The following STK31 variants were observed in gnomAD, a reference collection of about 807,000 sequenced individuals.
STK31 encodes the protein serine/threonine kinase 31.
Under a neutral mutation model 129.7 loss-of-function variants are expected in STK31, and 89 were observed. That is an observed-to-expected ratio of 0.69 (90% CI 0.58 to 0.82). The LOEUF is 0.82. STK31 is among the 40% of genes least tolerant of loss of function. The pLI is 0.00. For missense variants in STK31, 1,187 were observed against 1,176.4 expected (o/e 1.01, Z -0.13); for synonymous variants, 448 against 395.3 (o/e 1.13, Z -1.58).
At chr7:23,818,422 TTTGA>T (rs1175052113) in intron 23 of STK31, among the ~76,000 whole-genome samples, 3 of 152,140 alleles carry the variant, frequency 2.0e-5, no homozygotes, top group African/African-American at 4.8e-5. Context: ...TCATTTGGTG[TTTGA>T]TTGTCACAGT....
At chr7:23,710,499 T>G in intron 1 of STK31, 164 bp downstream of exon 1, 2 of 1,492,980 alleles carry the variant, frequency 1.3e-6, no homozygotes, top group South Asian at 2.7e-5. Context: ...TGCCCCAGTT[T>G]TTGAGTGCAT....
intron 23 of STK31, among the ~76,000 whole-genome samples, chr7:23,830,592 TTGTGTGTGTG>T (rs3034048): frequency 0.12 from 16,662 of 142,216 alleles, 1,049 homozygotes; most frequent in East Asian, 0.21. Context: ...AATTTCCATG[TTGTGTGTGTG>T]TGTGTGTGTG....
chr7:23,723,877 G>A (rs960186338), intron 4 of STK31, among the ~76,000 whole-genome samples: 7 of 152,132 alleles, frequency 4.6e-5, no homozygotes, highest in African/African-American at 1.7e-4. Context: ...TTAGAGAAAC[G>A]CCACACTCTG....
chr7:23,828,928 T>TTC (rs1375394899), intron 23 of STK31, among the ~76,000 whole-genome samples: 1 of 151,958 alleles, frequency 6.6e-6, no homozygotes, highest in African/African-American at 2.4e-5. Flanking sequence ...GAGATGGAGT[T>TTC]TCGTTCGTGT....
intron 23 of STK31, among the ~76,000 whole-genome samples, chr7:23,820,353 T>A (rs185699903): frequency 4.6e-5 from 7 of 152,342 alleles, no homozygotes; most frequent in African/African-American, 1.7e-4. Flanking sequence ...TGGTTGCAGA[T>A]GTGGAAACTG....
chr7:23,727,150 C>A, intron 4 of STK31, 91 bp from the exon 5 acceptor site: 1 of 973,008 alleles, frequency 1.0e-6, no homozygotes, highest in Non-Finnish European at 1.6e-6. Context: ...TACTTATTGA[C>A]ATATAGGAAG....
chr7:23,822,865 C>T (rs2390821), intron 23 of STK31, among the ~76,000 whole-genome samples: 21,479 of 152,100 alleles, frequency 0.14, 1,885 homozygotes, highest in Middle Eastern at 0.21. Flanking sequence ...TTTGTCCTTG[C>T]GATAGTTTGC....
At position 23,824,124 on chromosome 7, in the gene STK31, A is replaced by G. The variant is rs193164462; in HGVS notation, c.2830-8012A>G. On this transcript the variant is annotated intron_variant, in intron 23 of 23. Transcript: ENST00000355870. ...ATGAACTTTAAAGTAGTTTTTTCCA[A>G]TTCTGTGAAGAAAGTCATTGGTAGC... Among the ~76,000 whole-genome samples the G allele has an allele frequency of 4.3e-3, 662 of 152,258 alleles. 8 individuals are homozygous for G. The highest frequency in any genetic ancestry group is 0.015 in the African/African-American group (638 of 41,554).
intron 10 of STK31, among the ~76,000 whole-genome samples, chr7:23,756,585 G>T (rs928375631): frequency 6.6e-6 from 1 of 152,152 alleles, no homozygotes; most frequent in African/African-American, 2.4e-5. Context: ...TTTTCAAAGG[G>T]AATGCTTCCA....
rs543538824 is a variant in STK31, at chr7:23,713,434, T to G, written c.150+1148T>G. Among the ~76,000 whole-genome samples the G allele has an allele frequency of 3.3e-5, 5 of 152,264 alleles. No homozygotes were observed. The East Asian group carries it at 7.7e-4, about 24-fold the overall frequency. ...CATTACTGTACACTACTGTATACTT[T>G]ATAAATACCATACACTTAGGCTACA... is the stretch of plus-strand genomic sequence containing the variant. On this transcript the variant is annotated intron_variant, in intron 3 of 23. Transcript: ENST00000355870.
intron 9 of STK31, 53 bp downstream of exon 9, chr7:23,752,885 T>C: frequency 3.3e-6 from 4 of 1,210,916 alleles, no homozygotes; most frequent in Non-Finnish European, 4.8e-6. Context: ...TTTTAATCAA[T>C]TGGTGCTTTG....
intron 22 of STK31, among the ~76,000 whole-genome samples, chr7:23,810,961 A>C (rs557952290): frequency 2.1e-4 from 31 of 147,082 alleles, no homozygotes; most frequent in South Asian, 6.3e-4. Flanking sequence ...ACACACACAC[A>C]CCTACATGAT....
rs912391871 is a variant in STK31, at chr7:23,751,218, A to G, written c.1018-1499A>G. The stretch of plus-strand genomic sequence containing the variant: ...AATGACAGGATTTCATTCTTTTTTT[A>G]TGGCTGAATAGTATCCCATTGTATA... On this transcript the variant is annotated intron_variant, in intron 8 of 23. Transcript: ENST00000355870. Among the ~76,000 whole-genome samples the G allele has an allele frequency of 1.4e-4, 21 of 152,106 alleles. 1 individual carries two copies.
At chr7:23,731,481 T>A (rs1444217425) in intron 6 of STK31, among the ~76,000 whole-genome samples, 1 of 152,212 alleles carries the variant, frequency 6.6e-6, no homozygotes, top group Non-Finnish European at 1.5e-5. Context: ...AGTATTCACT[T>A]TTCTGTGCCT....
chr7:23,735,613 A>G lies in STK31; in HGVS notation c.559A>G (p.Thr187Ala). 1 of 1,614,000 alleles carries G rather than the reference A, an allele frequency of 6.2e-7. No homozygotes were observed. The highest frequency in any genetic ancestry group is 1.1e-5 in the South Asian group (1 of 91,028). ...MRIKATSEDG[T>A]VIAQAEYGSV... ...AATTAAAGCAACCTCTGAAGATGGA[A>G]CAGTTATTGCTCAGGCTGAGTATGG... Residue 187 changes from threonine to alanine, a missense_variant, in exon 7 of 24, where the codon ACA (threonine) becomes GCA (alanine). Coordinates refer to ENST00000355870, the MANE Select transcript of STK31 (RefSeq NM_031414.5).
At position 23,807,802 on chromosome 7, in the gene STK31, C is replaced by T. The variant is rs569590255; in HGVS notation, c.2761-7342C>T. Among the ~76,000 whole-genome samples, 3 of 151,718 alleles carry T rather than the reference C, an allele frequency of 2.0e-5. No homozygotes were observed. In the South Asian group the frequency reaches 6.3e-4, roughly 32 times the overall value. On this transcript the variant is annotated intron_variant, in intron 22 of 23. Transcript: ENST00000355870. The stretch of plus-strand genomic sequence containing the variant: ...TCATCTTCAGATTCATTAGTGCTTT[C>T]CTGTCATATTTATTCTATCATTCAG...
At chr7:23,793,751 G>A (rs912170047) in intron 22 of STK31, among the ~76,000 whole-genome samples, 1 of 152,192 alleles carries the variant, frequency 6.6e-6, no homozygotes, top group Non-Finnish European at 1.5e-5. Flanking sequence ...GCTTAGATCT[G>A]TTGTACCTAG....
chr7:23,722,620 A>G (rs1202155720), intron 4 of STK31: 8 of 152,340 alleles, frequency 5.3e-5, no homozygotes, highest in African/African-American at 1.9e-4. Flanking sequence ...AAGCTGTCAG[A>G]CAGGGACGTT....
intron 1 of STK31, among the ~76,000 whole-genome samples, chr7:23,711,095 A>G (rs1478612581): frequency 6.6e-6 from 1 of 152,158 alleles, no homozygotes; most frequent in African/African-American, 2.4e-5. Flanking sequence ...TTTCCTTTTC[A>G]TAATGAGAGA....
Sources: gnomAD v4.1 joint callset for allele counts (sites outside exome capture counted in the v4.1 genomes callset) on GRCh38, gnomAD v4.1.1 for gene constraint, MANE v1.5 for transcripts, NCBI Gene and HGNC (gene_info 2026-07-23, HGNC 2026-07-21) for gene names.